BRCA1: variants seen among roughly 807,000 people sequenced by gnomAD.
BRCA1 encodes the protein breast cancer type 1 susceptibility protein.
A neutral mutation model predicts 173.7 loss-of-function variants in BRCA1; 140 were observed. The ratio of observed to expected loss-of-function variants is 0.81; its 90% CI spans 0.70 to 0.93. The LOEUF is 0.93. BRCA1 is among the 40% of genes least tolerant of loss of function. The pLI is 0.00. For synonymous variants in BRCA1, 662 were observed against 756.0 expected (o/e 0.88, Z 2.04); for missense variants, 1,983 against 2,172.5 (o/e 0.91, Z 1.73).
chr17:43,084,876 G>A (rs981340525), intron 11 of BRCA1, among the ~76,000 whole-genome samples: 2 of 152,180 alleles, frequency 1.3e-5, no homozygotes, highest in African/African-American at 4.8e-5. Flanking sequence ...GGCTGTATTA[G>A]TCACTACTGT....
At position 43,091,759 on chromosome 17, in the gene BRCA1, C is replaced by T. The variant is rs397509105; in HGVS notation, c.3772G>A (p.Glu1258Lys). ...ATECLSKNTE[E>K]NLLSLKNSLN... Reference sequence around the variant, plus strand: ...CTATTCTTCAATGATAATAAATTCTCCTCTGTGTTCTTAGACAGACACTCG... The same window carrying T: ...CTATTCTTCAATGATAATAAATTCTTCTCTGTGTTCTTAGACAGACACTCG... Residue 1258 changes from glutamate (E) to lysine (K), a missense_variant, in exon 10 of 23, where the codon GAG becomes AAG. Transcript: ENST00000357654. 6.2e-7 allele frequency: 1 copy of T among 1,614,042 alleles called. No homozygotes were observed. The highest frequency in any genetic ancestry group is 1.3e-5 in the African/African-American group (1 of 74,918).
At chr17:43,086,897 A>C (rs1287386311) in intron 11 of BRCA1, among the ~76,000 whole-genome samples, 1 of 152,172 alleles carries the variant, frequency 6.6e-6, no homozygotes, top group Non-Finnish European at 1.5e-5. Flanking sequence ...CAGAGTGGGG[A>C]GTCATCTCAA....
chr17:43,091,962 G>A lies in BRCA1; in HGVS notation c.3569C>T (p.Pro1190Leu), dbSNP rs755209182. 6.2e-7 allele frequency: 1 copy of A among 1,614,070 alleles called. No homozygotes were observed. The highest frequency in any genetic ancestry group is 1.7e-5 in the Admixed American group (1 of 59,994). ...CAAATGTGTATGGGTGAAAGGGCTAGGACTCCTGCTAAGCTCTCCTTTCTG... is the reference window on the plus strand; with the variant it reads ...CAAATGTGTATGGGTGAAAGGGCTAAGACTCCTGCTAAGCTCTCCTTTCTG... ...SVQKGELSRS[P>L]SPFTHTHLAQ... Residue 1190 changes from proline (P) to leucine (L), a missense_variant, in exon 10 of 23, where the codon CCT (proline) becomes CTT (leucine). Pro to Leu is a moderately conservative substitution (Grantham distance 98, BLOSUM62 -3). Coordinates refer to ENST00000357654, the MANE Select transcript of BRCA1 (RefSeq NM_007294.4).
chr17:43,079,071 G>A (rs1429299206), intron 12 of BRCA1, among the ~76,000 whole-genome samples: 10 of 152,076 alleles, frequency 6.6e-5, no homozygotes, highest in Admixed American at 4.6e-4. Flanking sequence ...GTGGTGGCGG[G>A]TGCCTGTAAT....
rs1057523590 is a variant in BRCA1 at position 43,057,046 on chromosome 17, C to G, written c.5277+6G>C. On this transcript the variant is annotated splice_donor_region_variant and intron_variant, in intron 19 of 22. Transcript: ENST00000357654. ...ATTTTTGTCAACTTGAGGGAGGGAGCTTTACCTTTCTGTCCTGGGATTCTC... is the reference window on the plus strand; with the variant it reads ...ATTTTTGTCAACTTGAGGGAGGGAGGTTTACCTTTCTGTCCTGGGATTCTC... 1 of 1,613,896 alleles carries G rather than the reference C, an allele frequency of 6.2e-7. No individual in the cohort carries two copies. Among genetic ancestry groups the G allele is most frequent in the Non-Finnish European group, 8.5e-7 (1 of 1,179,862 alleles).
chr17:43,071,314 T>G (rs1474011037), intron 14 of BRCA1, 76 bp from the exon 15 acceptor site: 2 of 1,513,492 alleles, frequency 1.3e-6, no homozygotes, highest in East Asian at 2.3e-5. Context: ...TGTTAAGAAT[T>G]AAAAAGACCA....
At position 43,093,988 on chromosome 17, in the gene BRCA1, C is replaced by T. The variant is rs886037990; in HGVS notation, c.1543G>A (p.Glu515Lys). ...KRRPTSGLHP[E>K]DFIKKADLAV... ...AAATCTGCTTTCTTGATAAAATCCT[C>T]AGGATGAAGGCCTGATGTAGGTCTC... Residue 515 changes from glutamate (E) to lysine (K), a missense_variant, in exon 10 of 23, where the codon GAG becomes AAG. Transcript: ENST00000357654. 6.2e-7 allele frequency: 1 copy of T among 1,613,718 alleles called. No homozygotes were observed. The highest frequency in any genetic ancestry group is 8.5e-7 in the Non-Finnish European group (1 of 1,179,914).
intron 1 of BRCA1, chr17:43,132,775 T>TTTTA (rs1567827676): frequency 1.3e-5 from 2 of 150,612 alleles, no homozygotes; most frequent in Non-Finnish European, 3.0e-5. Flanking sequence ...ATTTTATTTT[T>TTTTA]TTTTTTGAGA....
intron 14 of BRCA1, among the ~76,000 whole-genome samples, chr17:43,072,968 T>C (rs2052522587): frequency 6.6e-6 from 1 of 151,862 alleles, no homozygotes; most frequent in South Asian, 2.1e-4. Context: ...TCTCCCACCT[T>C]GGCCTCCCAA....
Position 43,097,299 on chromosome 17 carries a change from T to G in BRCA1, c.548-10A>C. On this transcript the variant is annotated splice_polypyrimidine_tract_variant and intron_variant, in intron 7 of 22. Transcript: ENST00000357654. ...TCAGAAGAATCAGATCCTAAAAAATTTCCCCCCAAAAAATAAATCAATAAA... is the reference window on the plus strand; with the variant it reads ...TCAGAAGAATCAGATCCTAAAAAATGTCCCCCCAAAAAATAAATCAATAAA... The G allele has an allele frequency of 6.2e-7, 1 of 1,611,442 alleles. No individual in the cohort carries two copies. Among genetic ancestry groups the G allele is most frequent in the Non-Finnish European group, 8.5e-7 (1 of 1,178,048 alleles).
intron 6 of BRCA1, 62 bp downstream of exon 6, chr17:43,104,057 CAAA>C (rs72434991): frequency 1.2e-5 from 16 of 1,299,760 alleles, no homozygotes; most frequent in South Asian, 5.3e-5. Context: ...GACTCCATCT[CAAA>C]AAAAAAAAAG....
intron 1 of BRCA1, among the ~76,000 whole-genome samples, chr17:43,135,622 C>T (rs1264455601): frequency 2.6e-5 from 4 of 152,168 alleles, no homozygotes; most frequent in Non-Finnish European, 4.4e-5. Context: ...CCTTCAGCCT[C>T]GTGAGCCCGA....
chr17:43,145,759 C>T (rs2056117908), intron 1 of BRCA1, among the ~76,000 whole-genome samples: 1 of 151,890 alleles, frequency 6.6e-6, no homozygotes, highest in Non-Finnish European at 1.5e-5. Context: ...GAGGTGAAAT[C>T]ATTTGCTGGT....
chr17:43,091,112 G>T (rs2053453274), intron 10 of BRCA1, 80 bp from the exon 11 acceptor site: 1 of 1,278,126 alleles, frequency 7.8e-7, no homozygotes, highest in Non-Finnish European at 1.1e-6. Context: ...TCTTCTCATT[G>T]GCAGGACTGG....
At chr17:43,130,288 A>G, upstream of BRCA1, among the ~76,000 whole-genome samples, 1 of 152,132 alleles carries the variant, frequency 6.6e-6, no homozygotes, top group East Asian at 1.9e-4. Flanking sequence ...TGCTAGGATT[A>G]CAGGCATGAG....
chr17:43,058,084 G>T (rs867771378), intron 18 of BRCA1, among the ~76,000 whole-genome samples: 46 of 151,080 alleles, frequency 3.0e-4, no homozygotes, highest in South Asian at 8.4e-4. Flanking sequence ...CAGTAGCTGG[G>T]CACCAATGGC....
In BRCA1 at chr17:43,094,238, T is replaced by TA. The variant is rs80357528; in HGVS notation, c.1292dup (p.Leu431PhefsTer5). The TA allele has an allele frequency of 6.2e-7, 1 of 1,614,004 alleles. No individual in the cohort carries two copies. The highest frequency in any genetic ancestry group is 8.5e-7 in the Non-Finnish European group (1 of 1,180,034). ...AAGCCTCATGAGGATCACTGGCCAG[T>TA]AAGTCTATTTTCTCTGAAGAACCAG... On this transcript the variant is annotated frameshift_variant, in exon 10 of 23. Transcript: ENST00000357654. LOFTEE classifies it high-confidence loss of function.
At chr17:43,081,499 T>C (rs1261715548) in intron 12 of BRCA1, among the ~76,000 whole-genome samples, 4 of 152,142 alleles carry the variant, frequency 2.6e-5, no homozygotes, top group Non-Finnish European at 5.9e-5. Flanking sequence ...AACGGGGTGC[T>C]GAAGAAGGAA....
In BRCA1 at chr17:43,073,762, A is replaced by T. The variant is rs182629224; in HGVS notation, c.4675+569T>A. ...AATATATGTGTGTATATATATATAT[A>T]TATATTTTTTGAGATGGAGTCTTGC... On this transcript the variant is annotated intron_variant, in intron 14 of 22. Transcript: ENST00000357654. 5.2e-3 allele frequency among the ~76,000 whole-genome samples: 782 copies of T among 151,276 alleles called. 2 individuals are homozygous for T. Among genetic ancestry groups the T allele is most frequent in the Middle Eastern group, 0.014 (4 of 292 alleles).
Sources: gnomAD v4.1 joint callset for allele counts (sites outside exome capture counted in the v4.1 genomes callset) on GRCh38, gnomAD v4.1.1 for gene constraint, MANE v1.5 for transcripts, NCBI Gene and HGNC (gene_info 2026-07-23, HGNC 2026-07-21) for gene names.